SPPL3: variants seen among roughly 807,000 people sequenced by gnomAD.
SPPL3 encodes the protein signal peptide peptidase-like 3.
A neutral mutation model predicts 42.4 loss-of-function variants in SPPL3; 5 were observed. The ratio of observed to expected loss-of-function variants is 0.12; its 90% CI spans 0.06 to 0.25. SPPL3 has a LOEUF of 0.25. Among genes scored for constraint, SPPL3 ranks in the 10% least tolerant of loss-of-function variants. The probability of loss-of-function intolerance (pLI) is 1.00; values close to 1 mark genes in which losing one functional copy is unlikely to be tolerated. For missense variants in SPPL3, 235 were observed against 489.0 expected (o/e 0.48, Z 4.90); for synonymous variants, 195 against 181.8 (o/e 1.07, Z -0.58).
Position 120,802,910 on chromosome 12 carries a change from G to C in SPPL3, c.101+7899C>G, listed in dbSNP as rs145764973. ...GTGCACCTTCAATTTTGGCAAAACTGCTTTTGCTGAAATACATTTTCATGC... is the reference window on the plus strand; with the variant it reads ...GTGCACCTTCAATTTTGGCAAAACTCCTTTTGCTGAAATACATTTTCATGC... On this transcript the variant is annotated intron_variant, in intron 2 of 10. Transcript: ENST00000353487. Among the ~76,000 whole-genome samples the C allele has an allele frequency of 2.2e-4, 33 of 152,264 alleles. 1 individual carries two copies. In the East Asian group the frequency reaches 4.8e-3, roughly 22 times the overall value.
At chr12:120,782,594 C>G in intron 6 of SPPL3, 61 bp downstream of exon 6, 1 of 1,282,384 alleles carries the variant, frequency 7.8e-7, no homozygotes, top group South Asian at 1.3e-5. Flanking sequence ...TGTGAATATC[C>G]TAAAGTATCT....
intron 6 of SPPL3, among the ~76,000 whole-genome samples, chr12:120,777,761 C>T (rs979023580): frequency 5.3e-5 from 8 of 152,192 alleles, no homozygotes; most frequent in African/African-American, 1.9e-4. Flanking sequence ...CTTCAGACTG[C>T]TTATATGCAT....
rs142377390 is a variant in SPPL3, at chr12:120,806,796, G to A, written c.101+4013C>T. ...CGGGAGGCAGAGCTTGCAGCGAGCT[G>A]AGATCACACCACTGCACTCCAGCCT... On this transcript the variant is annotated intron_variant, in intron 2 of 10. Transcript: ENST00000353487. 8.7e-3 allele frequency among the ~76,000 whole-genome samples: 1,309 copies of A among 151,304 alleles called. 18 individuals carry two copies. Among genetic ancestry groups the A allele is most frequent in the Middle Eastern group, 0.048 (14 of 292 alleles).
intron 1 of SPPL3, among the ~76,000 whole-genome samples, chr12:120,875,567 T>C (rs1400794936): frequency 2.0e-5 from 3 of 150,938 alleles, no homozygotes; most frequent in East Asian, 3.9e-4. Context: ...AGGTGAAGGT[T>C]GCAGTCAGCC....
intron 1 of SPPL3, among the ~76,000 whole-genome samples, chr12:120,887,163 T>G (rs1696364): frequency 1.3e-5 from 2 of 151,846 alleles, no homozygotes; most frequent in Non-Finnish European, 2.9e-5. Flanking sequence ...CTGGCCAGGC[T>G]GGTCTCGAAC....
At chr12:120,870,065 C>A (rs1317097913) in intron 1 of SPPL3, among the ~76,000 whole-genome samples, 1 of 151,970 alleles carries the variant, frequency 6.6e-6, no homozygotes, top group Non-Finnish European at 1.5e-5. Context: ...AGGATGCAGA[C>A]CGTAAAAGAA....
At chr12:120,774,071 A>C (rs1869220046) in intron 6 of SPPL3, among the ~76,000 whole-genome samples, 1 of 152,210 alleles carries the variant, frequency 6.6e-6, no homozygotes, top group Non-Finnish European at 1.5e-5. Context: ...CTGCTCAGTG[A>C]CTGGGTTTTC....
chr12:120,785,141 C>T (rs1307218587), intron 3 of SPPL3, among the ~76,000 whole-genome samples: 2 of 152,052 alleles, frequency 1.3e-5, no homozygotes, highest in African/African-American at 2.4e-5. Flanking sequence ...TGGTAGCTCA[C>T]GCCTGTAATC....
chr12:120,840,538 T>C (rs1686347638), intron 1 of SPPL3, among the ~76,000 whole-genome samples: 1 of 151,926 alleles, frequency 6.6e-6, no homozygotes, highest in Non-Finnish European at 1.5e-5. Context: ...TTAGTGATGA[T>C]GATTGCACAA....
chr12:120,779,016 C>T (rs564527505), intron 6 of SPPL3, among the ~76,000 whole-genome samples: 1 of 152,216 alleles, frequency 6.6e-6, no homozygotes, highest in African/African-American at 2.4e-5. Flanking sequence ...AGCCCAGGAG[C>T]TTGAGGTCAC....
intron 1 of SPPL3, among the ~76,000 whole-genome samples, chr12:120,876,750 A>T (rs982583798): frequency 1.9e-4 from 29 of 151,816 alleles, no homozygotes; most frequent in African/African-American, 6.5e-4. Flanking sequence ...CAATACCTAT[A>T]CTGGAAAAAA....
At chr12:120,781,945 A>G (rs1869561226) in intron 6 of SPPL3, among the ~76,000 whole-genome samples, 1 of 151,128 alleles carries the variant, frequency 6.6e-6, no homozygotes, top group South Asian at 2.1e-4. Flanking sequence ...TAGCATGATC[A>G]TAGCTCTCTG....
chr12:120,897,709 C>T (rs1343278898), intron 1 of SPPL3, among the ~76,000 whole-genome samples: 8 of 152,096 alleles, frequency 5.3e-5, no homozygotes, highest in Non-Finnish European at 1.2e-4. Context: ...GGCTACACAG[C>T]GAGACTCCGT....
intron 1 of SPPL3, among the ~76,000 whole-genome samples, chr12:120,814,292 C>T (rs1316329782): frequency 2.6e-5 from 4 of 152,086 alleles, no homozygotes; most frequent in Non-Finnish European, 5.9e-5. Context: ...CTACCTTTTC[C>T]TAAATTTCAG....
At chr12:120,765,491 T>C (rs1290227847) in intron 10 of SPPL3, among the ~76,000 whole-genome samples, 1 of 152,170 alleles carries the variant, frequency 6.6e-6, no homozygotes, top group Non-Finnish European at 1.5e-5. Context: ...TTTCACCATA[T>C]TGGCCAGGCT....
chr12:120,889,972 G>T (rs575858963), intron 1 of SPPL3, among the ~76,000 whole-genome samples: 44 of 152,114 alleles, frequency 2.9e-4, no homozygotes, highest in Non-Finnish European at 4.7e-4. Context: ...TTTGCTGGGG[G>T]CGGTGGCTCA....
chr12:120,765,472 G>A (rs1868852645), intron 10 of SPPL3, among the ~76,000 whole-genome samples: 1 of 150,468 alleles, frequency 6.6e-6, no homozygotes, highest in South Asian at 2.1e-4. Flanking sequence ...GTTTTTAGTA[G>A]AGACAGGGTT....
chr12:120,903,138 C>T (rs766084159), intron 1 of SPPL3, among the ~76,000 whole-genome samples: 1 of 152,132 alleles, frequency 6.6e-6, no homozygotes, highest in Non-Finnish European at 1.5e-5. Flanking sequence ...ATAATAGTAC[C>T]AACCCTTACA....
At chr12:120,818,667 C>T (rs1397211569) in intron 1 of SPPL3, among the ~76,000 whole-genome samples, 1 of 152,244 alleles carries the variant, frequency 6.6e-6, no homozygotes, top group East Asian at 1.9e-4. Flanking sequence ...AACTACTATT[C>T]TAACACTGCA....
Sources: gnomAD v4.1 joint callset for allele counts (sites outside exome capture counted in the v4.1 genomes callset) on GRCh38, gnomAD v4.1.1 for gene constraint, MANE v1.5 for transcripts, NCBI Gene and HGNC (gene_info 2026-07-23, HGNC 2026-07-21) for gene names.